FGF1: variants seen among roughly 807,000 people sequenced by gnomAD.
The protein encoded by FGF1 is fibroblast growth factor 1.
A neutral mutation model predicts 13.4 loss-of-function variants in FGF1; 9 were observed. The ratio of observed to expected loss-of-function variants is 0.67; its 90% CI spans 0.40 to 1.17. FGF1 has a LOEUF of 1.17. Among genes scored for constraint, FGF1 ranks in the 50% most tolerant of loss-of-function variants. FGF1 has a pLI of 0.01. For synonymous variants in FGF1, 93 were observed against 79.0 expected (o/e 1.18, Z -0.94); for missense variants, 156 against 192.7 (o/e 0.81, Z 1.13).
intron 1 of FGF1, among the ~76,000 whole-genome samples, chr5:142,668,419 A>G (rs759277594): frequency 3.3e-4 from 50 of 152,342 alleles, no homozygotes; most frequent in Non-Finnish European, 6.6e-4. Context: ...GTGACTTGTC[A>G]CATGACCTTG....
chr5:142,685,834 C>T (rs1162535908), intron 1 of FGF1, 123 bp downstream of exon 1: 4 of 151,840 alleles, frequency 2.6e-5, no homozygotes, highest in Non-Finnish European at 5.9e-5. Context: ...TTTCTTTCTT[C>T]TCCAAGTAGC....
At chr5:142,660,474 C>T (rs1350356915) in intron 1 of FGF1, among the ~76,000 whole-genome samples, 2 of 152,238 alleles carry the variant, frequency 1.3e-5, no homozygotes, top group Non-Finnish European at 2.9e-5. Flanking sequence ...TTCTCCTTCC[C>T]TGCCCAGGAG....
intron 1 of FGF1, among the ~76,000 whole-genome samples, chr5:142,650,626 C>T (rs1054963717): frequency 6.6e-6 from 1 of 151,808 alleles, no homozygotes; most frequent in African/African-American, 2.4e-5. Context: ...ATTGTTTGAC[C>T]CCTTTATAAT....
At position 142,602,171 on chromosome 5, in the gene FGF1, CTTTTCTTTTTTTTT is replaced by C. The variant is rs766002566; in HGVS notation, c.170-1380_170-1367del. Among the ~76,000 whole-genome samples the C allele has an allele frequency of 8.7e-5, 13 of 148,836 alleles. No individual in the cohort carries two copies. The East Asian group carries it at 2.4e-3, about 27-fold the overall frequency. On this transcript the variant is annotated intron_variant, in intron 2 of 3. Coordinates refer to ENST00000337706, the MANE Select transcript of FGF1 (RefSeq NM_000800.5). ...CCCCTCATTGCCTTTTCTTTGTGTT[CTTTTCTTTTTTTTT>C]TTTTCTTTTGAGACGGAGTCTTGTT...
intron 1 of FGF1, among the ~76,000 whole-genome samples, chr5:142,646,755 G>A (rs1487044736): frequency 6.6e-6 from 1 of 152,168 alleles, no homozygotes; most frequent in Non-Finnish European, 1.5e-5. Flanking sequence ...GCCTCCCAAA[G>A]TGCTAGGATT....
intron 2 of FGF1, among the ~76,000 whole-genome samples, chr5:142,606,398 C>T (rs1339003809): frequency 4.0e-5 from 6 of 150,794 alleles, no homozygotes; most frequent in African/African-American, 9.8e-5. Context: ...AGGTAGATCA[C>T]GAGGTCAGAA....
Position 142,607,074 on chromosome 5 carries a change from G to C in FGF1, c.170-6269C>G, listed in dbSNP as rs541964705. The stretch of plus-strand genomic sequence containing the variant: ...CATAGTCAATGGGACACTTAGAGCT[G>C]GCCAAGACTCCCACTTTTTGTTCCT... On this transcript the variant is annotated intron_variant, in intron 2 of 3. Coordinates refer to ENST00000337706, the MANE Select transcript of FGF1 (RefSeq NM_000800.5). 1.1e-4 allele frequency among the ~76,000 whole-genome samples: 17 copies of C among 152,254 alleles called. No individual in the cohort carries two copies. The South Asian group carries it at 3.1e-3, about 28-fold the overall frequency.
Position 142,667,353 on chromosome 5 carries a change from G to A in FGF1, c.-35+18604C>T, listed in dbSNP as rs113428820. Among the ~76,000 whole-genome samples the A allele has an allele frequency of 6.0e-3, 910 of 152,022 alleles. 10 individuals carry two copies. Among genetic ancestry groups the A allele is most frequent in the African/African-American group, 0.021 (867 of 41,452 alleles). The stretch of plus-strand genomic sequence containing the variant: ...TGTAATCCCAGCACTTTGGGAGGCC[G>A]AGGTGGGCGGGTCATGAGGTCAGGA... On this transcript the variant is annotated intron_variant, in intron 1 of 3. Transcript: ENST00000337706.
At chr5:142,689,520 C>T (rs139377070), upstream of FGF1, among the ~76,000 whole-genome samples, 12 of 152,238 alleles carry the variant, frequency 7.9e-5, no homozygotes, top group South Asian at 6.2e-4. Flanking sequence ...GAAGGTGCCT[C>T]ACCCTGATCC....
intron 1 of FGF1, among the ~76,000 whole-genome samples, chr5:142,658,032 C>T (rs182320769): frequency 2.6e-5 from 4 of 152,348 alleles, no homozygotes; most frequent in Non-Finnish European, 5.9e-5. Flanking sequence ...CCCATCACCT[C>T]CAAGAAATCT....
intron 2 of FGF1, among the ~76,000 whole-genome samples, chr5:142,695,514 G>A (rs967290927): frequency 2.7e-5 from 4 of 150,476 alleles, no homozygotes; most frequent in East Asian, 2.0e-4. Flanking sequence ...CCTGGGAGGC[G>A]GAGGTTGCAG....
chr5:142,675,406 T>A (rs1772345991), intron 1 of FGF1, among the ~76,000 whole-genome samples: 1 of 152,088 alleles, frequency 6.6e-6, no homozygotes. Context: ...CCAGAATCCA[T>A]CTCTCTGTGC....
chr5:142,659,536 AG>A, intron 1 of FGF1, among the ~76,000 whole-genome samples: 1 of 152,094 alleles, frequency 6.6e-6, no homozygotes, highest in Non-Finnish European at 1.5e-5. Flanking sequence ...ATCAGTTTTA[AG>A]GGGGAACTTT....
intron 1 of FGF1, among the ~76,000 whole-genome samples, chr5:142,640,687 C>A (rs929912544): frequency 6.6e-6 from 1 of 152,018 alleles, no homozygotes; most frequent in African/African-American, 2.4e-5. Flanking sequence ...TTTTTAAAGT[C>A]AAATGCTTCT....
chr5:142,608,614 A>T (rs1490270114), intron 2 of FGF1, among the ~76,000 whole-genome samples: 1 of 134,094 alleles, frequency 7.5e-6, no homozygotes, highest in Non-Finnish European at 1.6e-5. Context: ...GTAAATATAT[A>T]TGAAAAAAAA....
intron 1 of FGF1, among the ~76,000 whole-genome samples, chr5:142,623,710 A>G (rs1561588396): frequency 1.3e-5 from 2 of 151,072 alleles, no homozygotes; most frequent in Admixed American, 1.3e-4. Flanking sequence ...TTGATTTTTC[A>G]TATTTAGAAA....
intron 3 of FGF1, 38 bp downstream of exon 3, chr5:142,600,664 C>T (rs1756316562): frequency 7.0e-7 from 1 of 1,438,552 alleles, no homozygotes; most frequent in Non-Finnish European, 9.8e-7. Context: ...AACCTCAAAC[C>T]TTGGCCACGT....
intron 3 of FGF1, among the ~76,000 whole-genome samples, chr5:142,599,997 T>C (rs1226253445): frequency 6.6e-6 from 1 of 152,204 alleles, no homozygotes; most frequent in African/African-American, 2.4e-5. Context: ...GTGCATGACA[T>C]ATAAACTATG....
intron 1 of FGF1, among the ~76,000 whole-genome samples, chr5:142,617,371 A>AG (rs1414944032): frequency 1.3e-5 from 2 of 152,078 alleles, no homozygotes; most frequent in African/African-American, 4.8e-5. Context: ...TCTCAAAAAA[A>AG]AAAAGAATGG....
Sources: gnomAD v4.1 joint callset for allele counts (sites outside exome capture counted in the v4.1 genomes callset) on GRCh38, gnomAD v4.1.1 for gene constraint, MANE v1.5 for transcripts, NCBI Gene and HGNC (gene_info 2026-07-23, HGNC 2026-07-21) for gene names.